The following IARS1 variants were observed in gnomAD, a reference collection of about 807,000 sequenced individuals.
IARS1 encodes isoleucyl-tRNA synthetase 1, also known as isoleucine--tRNA ligase, cytoplasmic.
In IARS1, 124 loss-of-function variants were observed where a neutral mutation model predicts 168.2. The ratio of observed to expected loss-of-function variants is 0.74; its 90% CI spans 0.64 to 0.86. The LOEUF (loss-of-function observed/expected upper bound fraction) is 0.86, where lower values mean the gene tolerates loss of function less well. Among genes scored for constraint, IARS1 ranks in the 40% least tolerant of loss-of-function variants. The pLI is 0.00. For missense variants in IARS1, 1,452 were observed against 1,515.8 expected (o/e 0.96, Z 0.70); for synonymous variants, 532 against 529.4 (o/e 1.00, Z -0.07).
chr9:92,258,811 T>C, intron 19 of IARS1, 43 bp downstream of exon 19: 8 of 1,545,776 alleles, frequency 5.2e-6, no homozygotes, highest in Non-Finnish European at 7.0e-6. Context: ...GGGAGCGCTG[T>C]GGAGACACGG....
At chr9:92,255,607 G>A (rs1334428288) in intron 20 of IARS1, among the ~76,000 whole-genome samples, 1 of 152,012 alleles carries the variant, frequency 6.6e-6, no homozygotes, top group African/African-American at 2.4e-5. Flanking sequence ...TAATTTTTCT[G>A]GAAAAGAAGG....
intron 30 of IARS1, among the ~76,000 whole-genome samples, chr9:92,237,634 CTTT>C (rs1291991772): frequency 1.3e-5 from 2 of 152,128 alleles, no homozygotes; most frequent in Non-Finnish European, 2.9e-5. Context: ...TTTTGTAACT[CTTT>C]TGTTAGACGC....
intron 9 of IARS1, among the ~76,000 whole-genome samples, chr9:92,277,487 G>C (rs1408795507): frequency 6.6e-6 from 1 of 151,998 alleles, no homozygotes; most frequent in Non-Finnish European, 1.5e-5. Flanking sequence ...AGACCAGCCT[G>C]GGCAGCATAG....
chr9:92,280,540 C>T lies in IARS1; in HGVS notation c.745+206G>A, dbSNP rs3736833. Reference sequence around the variant, plus strand: ...AATTATAAGAAAATTTTATGTTCTACTTTTTATATCTCTGTACTATTTTAA... The same window carrying T: ...AATTATAAGAAAATTTTATGTTCTATTTTTTATATCTCTGTACTATTTTAA... On this transcript the variant is annotated intron_variant, in intron 7 of 33. Coordinates refer to ENST00000443024, the MANE Select transcript of IARS1 (RefSeq NM_002161.6). 5.3e-4 allele frequency among the ~76,000 whole-genome samples: 81 copies of T among 152,224 alleles called. 2 individuals carry two copies. The East Asian group carries it at 0.015, about 29-fold the overall frequency.
intron 6 of IARS1, 137 bp from the exon 7 acceptor site, chr9:92,281,030 G>A: frequency 4.3e-6 from 2 of 469,050 alleles, no homozygotes; most frequent in Non-Finnish European, 7.1e-6. Context: ...CTTACAAACA[G>A]AAAATAGCAA....
At chr9:92,229,250 A>G in intron 30 of IARS1, 124 bp from the exon 31 acceptor site, 1 of 805,422 alleles carries the variant, frequency 1.2e-6, no homozygotes, top group Non-Finnish European at 1.9e-6. Context: ...CCCCAACTAT[A>G]CACTATATAT....
At chr9:92,217,927 G>A (rs574981332) in intron 33 of IARS1, among the ~76,000 whole-genome samples, 152 of 152,204 alleles carry the variant, frequency 1.0e-3, no homozygotes, top group Middle Eastern at 3.4e-3. Flanking sequence ...CCTTTTATGA[G>A]GCCAGCATCA....
At chr9:92,236,078 G>A (rs147298980) in intron 30 of IARS1, among the ~76,000 whole-genome samples, 4,647 of 152,006 alleles carry the variant, frequency 0.031, 110 homozygotes, top group South Asian at 0.079. Context: ...TGCCTCCCAG[G>A]TTACAGCAAT....
At chr9:92,217,228 G>A in intron 33 of IARS1, among the ~76,000 whole-genome samples, 1 of 151,862 alleles carries the variant, frequency 6.6e-6, no homozygotes, top group Middle Eastern at 3.4e-3. Flanking sequence ...AAACCAATGA[G>A]AACAAAGACA....
At chr9:92,282,860 A>ATATTT (rs1230782830) in intron 6 of IARS1, among the ~76,000 whole-genome samples, 11 of 132,856 alleles carry the variant, frequency 8.3e-5, no homozygotes, top group African/African-American at 3.2e-4. Flanking sequence ...ATATATATAT[A>ATATTT]TTTTTTTTTT....
intron 2 of IARS1, among the ~76,000 whole-genome samples, chr9:92,288,550 A>T (rs576295419): frequency 3.9e-4 from 60 of 152,140 alleles, no homozygotes; most frequent in Admixed American, 1.1e-3. Context: ...CCTGATCTTG[A>T]GTTATCTCAT....
rs76635897 is a variant in IARS1, at chr9:92,210,883, G to A, written c.3713C>T (p.Thr1238Ile). 1.8e-4 allele frequency: 291 copies of A among 1,598,452 alleles called. No individual in the cohort carries two copies. In the African/African-American group the frequency reaches 3.5e-3, roughly 19 times the overall value. Residue 1238 changes from threonine to isoleucine, a missense_variant, in exon 34 of 34, where the codon ACA (threonine) becomes ATA (isoleucine). Physicochemically the swap from Thr to Ile is moderately conservative, Grantham distance 89. Coordinates refer to ENST00000443024, the MANE Select transcript of IARS1 (RefSeq NM_002161.6). The part of the protein sequence containing the change: ...FLNETQTQEI[T>I]EDIPVKTLNM... ...CAAAGTCTTCACGGGGATGTCTTCT[G>A]TAATTTCTAGAATGGAAAGAAAAAG...
chr9:92,243,160 C>A, intron 28 of IARS1, 56 bp downstream of exon 28: 1 of 1,304,314 alleles, frequency 7.7e-7, no homozygotes, highest in Non-Finnish European at 1.1e-6. Flanking sequence ...CTTCTCCAAA[C>A]AACCAAAACA....
In IARS1 at chr9:92,221,040, C is replaced by T. The variant is rs143802242; in HGVS notation, c.3706+1480G>A. On this transcript the variant is annotated intron_variant, in intron 33 of 33. Coordinates refer to ENST00000443024, the MANE Select transcript of IARS1 (RefSeq NM_002161.6). Reference sequence around the variant, plus strand: ...ACACTGCCTTATACCAAAAAATGTACACCTAGGGAAATCATAAACTGCAGA... The same window carrying T: ...ACACTGCCTTATACCAAAAAATGTATACCTAGGGAAATCATAAACTGCAGA... 4.6e-5 allele frequency among the ~76,000 whole-genome samples: 7 copies of T among 152,200 alleles called. No homozygotes were observed. In the East Asian group the frequency reaches 1.2e-3, roughly 25 times the overall value.
At chr9:92,247,602 T>G (rs1347232122) in intron 25 of IARS1, 51 bp from the exon 26 acceptor site, 1 of 1,542,690 alleles carries the variant, frequency 6.5e-7, no homozygotes, top group African/African-American at 1.4e-5. Flanking sequence ...AAACATATGT[T>G]CACACAAAAA....
chr9:92,233,872 C>T (rs926751320), intron 30 of IARS1, among the ~76,000 whole-genome samples: 9 of 152,128 alleles, frequency 5.9e-5, no homozygotes, highest in Non-Finnish European at 7.4e-5. Flanking sequence ...AGCAATCCTC[C>T]AACCTCAGCC....
intron 2 of IARS1, among the ~76,000 whole-genome samples, 173 bp from the exon 3 acceptor site, chr9:92,288,455 T>C (rs766821772): frequency 9.9e-5 from 15 of 152,212 alleles, no homozygotes; most frequent in South Asian, 2.1e-4. Flanking sequence ...TCAGAAAGGC[T>C]ACAATTGTGG....
intron 1 of IARS1, among the ~76,000 whole-genome samples, chr9:92,291,797 C>T (rs866285741): frequency 6.6e-6 from 1 of 152,102 alleles, no homozygotes; most frequent in African/African-American, 2.4e-5. Flanking sequence ...TACTATGGCC[C>T]ACATCTATGG....
At chr9:92,264,359 A>G (rs1158716474) in intron 16 of IARS1, among the ~76,000 whole-genome samples, 1 of 151,904 alleles carries the variant, frequency 6.6e-6, no homozygotes, top group Non-Finnish European at 1.5e-5. Flanking sequence ...AAAAGTAAAT[A>G]AAGCCTGGGC....
Sources: gnomAD v4.1 joint callset for allele counts (sites outside exome capture counted in the v4.1 genomes callset) on GRCh38, gnomAD v4.1.1 for gene constraint, MANE v1.5 for transcripts, NCBI Gene and HGNC (gene_info 2026-07-23, HGNC 2026-07-21) for gene names.